The following FBXW8 variants were observed in gnomAD, a reference collection of about 807,000 sequenced individuals.
FBXW8 encodes the protein F-box and WD repeat domain containing 8.
In FBXW8, 57 loss-of-function variants were observed where a neutral mutation model predicts 65.3. That is an observed-to-expected ratio of 0.87 (90% CI 0.71 to 1.09). The LOEUF is 1.09. Among genes scored for constraint, FBXW8 ranks in the 50% least tolerant of loss-of-function variants. FBXW8 has a pLI of 0.00. For missense variants in FBXW8, 777 were observed against 814.8 expected (o/e 0.95, Z 0.57); for synonymous variants, 308 against 330.2 (o/e 0.93, Z 0.73).
chr12:117,014,920 A>G (rs1311421431), intron 8 of FBXW8, among the ~76,000 whole-genome samples: 1 of 152,142 alleles, frequency 6.6e-6, no homozygotes, highest in African/African-American at 2.4e-5. Flanking sequence ...AGGGACTCCT[A>G]TCCCTTACAG....
At chr12:116,990,246 C>T (rs1329996451) in intron 7 of FBXW8, among the ~76,000 whole-genome samples, 1 of 152,196 alleles carries the variant, frequency 6.6e-6, no homozygotes, top group Non-Finnish European at 1.5e-5. Context: ...TGTGAAAAGG[C>T]CTCCCCTTGT....
Position 116,979,313 on chromosome 12 carries a change from T to A in FBXW8, c.836-5893T>A, listed in dbSNP as rs569814473. Reference sequence around the variant, plus strand: ...GAGGTGGGAGGGGCCTGCTGCAAACTGGCATGGGTGCCCATCCACAGCTGC... The same window carrying A: ...GAGGTGGGAGGGGCCTGCTGCAAACAGGCATGGGTGCCCATCCACAGCTGC... On this transcript the variant is annotated intron_variant, in intron 5 of 10. Transcript: ENST00000652555. 8 of 152,388 alleles carry A rather than the reference T, an allele frequency of 5.2e-5. No homozygotes were observed. In the East Asian group the frequency reaches 1.3e-3, roughly 26 times the overall value. 9.4% of individuals were successfully genotyped at this position (152,388 alleles called of 1,614,324 possible).
intron 8 of FBXW8, among the ~76,000 whole-genome samples, chr12:117,012,594 T>A (rs545261447): frequency 6.6e-6 from 1 of 152,194 alleles, no homozygotes; most frequent in African/African-American, 2.4e-5. Context: ...TTACATTTTT[T>A]CCCCGGAGGT....
chr12:116,988,939 A>T (rs1414162188), intron 7 of FBXW8, 70 bp downstream of exon 7: 1 of 1,428,064 alleles, frequency 7.0e-7, no homozygotes, highest in Non-Finnish European at 9.7e-7. Flanking sequence ...GGAATTGAAA[A>T]ATTAAAGCTC....
In FBXW8 at chr12:117,031,068, A is replaced by G. The variant is rs10774898; in HGVS notation, c.*2896A>G. 69,040 of 152,112 alleles carry G rather than the reference A, an allele frequency of 0.45. 19,600 individuals carry two copies. Among genetic ancestry groups the G allele is most frequent in the African/African-American group, 0.81 (33,648 of 41,504 alleles). The allele number at this position is 152,112 out of a possible 1,614,324, so 9.4% of individuals were successfully genotyped here. The stretch of plus-strand genomic sequence containing the variant: ...ATGGTGAAACACCTGAAGATCTCAT[A>G]TCGCCTCTCAAAACACTGTCGGACT... On this transcript the variant is annotated 3_prime_UTR_variant, in exon 11 of 11. Coordinates refer to ENST00000652555, the MANE Select transcript of FBXW8 (RefSeq NM_153348.3).
chr12:117,010,511 C>G, intron 8 of FBXW8, 61 bp downstream of exon 8: 2 of 1,609,794 alleles, frequency 1.2e-6, no homozygotes, highest in Non-Finnish European at 1.7e-6. Flanking sequence ...GCCCGGCCCC[C>G]ACTGCGCTGC....
At chr12:116,923,876 AG>A (rs1473982266) in intron 1 of FBXW8, among the ~76,000 whole-genome samples, 1 of 152,082 alleles carries the variant, frequency 6.6e-6, no homozygotes, top group East Asian at 1.9e-4. Flanking sequence ...GCCTGCCACC[AG>A]GCCCGGCTAA....
intron 4 of FBXW8, chr12:116,950,096 C>G (rs1883179841): frequency 1.2e-5 from 2 of 173,472 alleles, no homozygotes; most frequent in Admixed American, 1.1e-4. Context: ...TTCTAAATCC[C>G]TTATTGTGAA....
At chr12:116,969,916 G>T (rs1884550279) in intron 5 of FBXW8, among the ~76,000 whole-genome samples, 2 of 152,100 alleles carry the variant, frequency 1.3e-5, no homozygotes, top group Admixed American at 1.3e-4. Flanking sequence ...CCTTGTTTCC[G>T]ATTGTCAGCA....
intron 8 of FBXW8, among the ~76,000 whole-genome samples, chr12:117,015,431 G>C (rs967007180): frequency 5.3e-5 from 8 of 152,166 alleles, no homozygotes; most frequent in Non-Finnish European, 1.5e-5. Context: ...AATTAAGTCA[G>C]CACAGTAGTT....
intron 8 of FBXW8, among the ~76,000 whole-genome samples, chr12:117,015,417 A>G (rs115927248): frequency 0.027 from 4,094 of 152,190 alleles, 181 homozygotes; most frequent in African/African-American, 0.087. Context: ...CTTTCTTTTC[A>G]GTGAATTAAG....
At chr12:117,025,462 C>G (rs139485113) in intron 9 of FBXW8, among the ~76,000 whole-genome samples, 10 of 152,252 alleles carry the variant, frequency 6.6e-5, no homozygotes, top group Admixed American at 5.9e-4. Flanking sequence ...GGTAAACCGA[C>G]CTCTGAGAAC....
intron 2 of FBXW8, among the ~76,000 whole-genome samples, chr12:116,940,921 G>A (rs1297421467): frequency 3.9e-5 from 6 of 152,276 alleles, no homozygotes; most frequent in Middle Eastern, 6.8e-3. Context: ...TTGAGAGAGT[G>A]TCAGAATGGA....
intron 2 of FBXW8, among the ~76,000 whole-genome samples, chr12:116,938,974 G>C (rs73397415): frequency 0.024 from 3,585 of 152,240 alleles, 147 homozygotes; most frequent in African/African-American, 0.082. Flanking sequence ...TCATAGGTTG[G>C]GTGGGAAGTA....
intron 2 of FBXW8, among the ~76,000 whole-genome samples, chr12:116,935,148 GTAA>G: frequency 6.6e-6 from 1 of 152,234 alleles, no homozygotes; most frequent in African/African-American, 2.4e-5. Flanking sequence ...CATAAACAAA[GTAA>G]TAAAGAAAAA....
intron 9 of FBXW8, 37 bp from the exon 10 acceptor site, chr12:117,027,357 G>A: frequency 6.5e-7 from 1 of 1,546,590 alleles, no homozygotes; most frequent in Non-Finnish European, 8.9e-7. Context: ...AGGCCCAGTG[G>A]ACGCCCCCTT....
chr12:116,971,499 T>C (rs1401069160), intron 5 of FBXW8, among the ~76,000 whole-genome samples: 2 of 152,110 alleles, frequency 1.3e-5, no homozygotes, highest in Non-Finnish European at 2.9e-5. Context: ...CCACAGAGAC[T>C]GTATTAGGGG....
rs1466679236 is a variant in FBXW8, at chr12:116,918,536, C to T, written c.318+7181C>T. Among the ~76,000 whole-genome samples the T allele has an allele frequency of 1.3e-5, 2 of 152,316 alleles. 1 individual carries two copies. Among genetic ancestry groups the T allele is most frequent in the Admixed American group, 1.3e-4 (2 of 15,290 alleles). ...TTTGTTGACTTTATTCACAGACAGG[C>T]TTTCCTCTTGGGGAAAAATGGCTAC... On this transcript the variant is annotated intron_variant, in intron 1 of 10. Transcript: ENST00000652555.
chr12:116,955,038 G>A (rs1592884694), intron 4 of FBXW8, among the ~76,000 whole-genome samples: 2 of 139,736 alleles, frequency 1.4e-5, no homozygotes, highest in African/African-American at 5.8e-5. Flanking sequence ...TCTTGAAATG[G>A]GGGGGGGGGG....
Sources: gnomAD v4.1 joint callset for allele counts (sites outside exome capture counted in the v4.1 genomes callset) on GRCh38, gnomAD v4.1.1 for gene constraint, MANE v1.5 for transcripts, NCBI Gene and HGNC (gene_info 2026-07-23, HGNC 2026-07-21) for gene names.